The following BIVM variants were observed in gnomAD, a reference collection of about 807,000 sequenced individuals.
BIVM encodes the protein basic, immunoglobulin-like variable motif containing, also known as basic immunoglobulin-like variable motif-containing protein.
Under a neutral mutation model 61.4 loss-of-function variants are expected in BIVM, and 31 were observed. The ratio of observed to expected loss-of-function variants is 0.51; its 90% CI spans 0.38 to 0.68. The LOEUF (loss-of-function observed/expected upper bound fraction) is 0.68, where lower values mean the gene tolerates loss of function less well. Ranked by LOEUF, BIVM falls within the 30% of genes least tolerant of loss-of-function variation. The pLI is 0.00. For synonymous variants in BIVM, 189 were observed against 210.7 expected (o/e 0.90, Z 0.89); for missense variants, 526 against 596.0 (o/e 0.88, Z 1.22).
chr13:102,816,493 T>A lies in BIVM; in HGVS notation c.544T>A (p.Cys182Ser). Residue 182 changes from cysteine to serine, a missense_variant, in exon 4 of 11, where the codon TGT becomes AGT. Transcript: ENST00000257336. ...SDKKGRYQKE[C>S]PQHSPLEDIK... ...TAAAAAGGGAAGATATCAGAAGGAA[T>A]GTCCTCAGCATTCTCCTCTTGAAGA... is the stretch of plus-strand genomic sequence containing the variant. 6.3e-7 allele frequency: 1 copy of A among 1,595,314 alleles called. No individual in the cohort carries two copies. The highest frequency in any genetic ancestry group is 8.5e-7 in the Non-Finnish European group (1 of 1,173,460).
At chr13:102,828,480 T>C (rs573854810) in intron 7 of BIVM, among the ~76,000 whole-genome samples, 4 of 152,352 alleles carry the variant, frequency 2.6e-5, no homozygotes, top group African/African-American at 7.2e-5. Flanking sequence ...ACCATGATTG[T>C]TGTTACCAGC....
chr13:102,824,950 A>ATTAATTT lies in BIVM; in HGVS notation c.901+2793_901+2794insAATTTTT, dbSNP rs58236818. Among the ~76,000 whole-genome samples the ATTAATTT allele has an allele frequency of 4.0e-3, 590 of 147,750 alleles. 3 individuals are homozygous for ATTAATTT. The highest frequency in any genetic ancestry group is 0.014 in the African/African-American group (569 of 39,824). On this transcript the variant is annotated intron_variant, in intron 7 of 10. Coordinates refer to ENST00000257336, the MANE Select transcript of BIVM (RefSeq NM_017693.4). ...AATTTTTAATTTAATTAATTAATTAATTTTTTTTTTGAGACGGAGTCTCGC... is the reference window on the plus strand; with the variant it reads ...AATTTTTAATTTAATTAATTAATTAATTAATTTTTTTTTTTTTGAGACGGAGTCTCGC...
intron 1 of BIVM, among the ~76,000 whole-genome samples, chr13:102,800,226 C>T (rs1878655665): frequency 6.6e-6 from 1 of 152,208 alleles, no homozygotes; most frequent in African/African-American, 2.4e-5. Flanking sequence ...GCTCTTAGCC[C>T]GGATGCAGCA....
intron 8 of BIVM, among the ~76,000 whole-genome samples, chr13:102,833,513 GGGTTTC>G (rs1881266036): frequency 2.6e-5 from 4 of 151,778 alleles, no homozygotes; most frequent in African/African-American, 9.7e-5. Flanking sequence ...TGGGGTTTCA[GGGTTTC>G]ACCATGTTAC....
intron 1 of BIVM, among the ~76,000 whole-genome samples, chr13:102,803,527 C>T (rs778991004): frequency 1.3e-5 from 2 of 152,068 alleles, no homozygotes; most frequent in Non-Finnish European, 2.9e-5. Context: ...AATCCCTACA[C>T]TGTCACACAG....
intron 6 of BIVM, 63 bp from the exon 7 acceptor site, chr13:102,822,002 T>C: frequency 6.3e-7 from 1 of 1,590,860 alleles, no homozygotes; most frequent in Non-Finnish European, 8.6e-7. Context: ...TTCTTTAGAA[T>C]TGGAATAATG....
intron 3 of BIVM, among the ~76,000 whole-genome samples, chr13:102,814,221 G>T (rs1879703836): frequency 6.6e-6 from 1 of 152,122 alleles, no homozygotes; most frequent in African/African-American, 2.4e-5. Context: ...CTGATGTGAT[G>T]GAAGGCAGAA....
chr13:102,808,555 G>C (rs1357674482), intron 3 of BIVM, among the ~76,000 whole-genome samples: 1 of 152,068 alleles, frequency 6.6e-6, no homozygotes, highest in African/African-American at 2.4e-5. Context: ...AGGTAAATTT[G>C]TAATTCTTAA....
chr13:102,822,293 G>A, intron 7 of BIVM, 134 bp downstream of exon 7: 1 of 770,614 alleles, frequency 1.3e-6, no homozygotes, highest in South Asian at 2.1e-5. Flanking sequence ...CCTCAGCACA[G>A]TCTGTTACTT....
chr13:102,831,507 T>G, intron 7 of BIVM, 58 bp from the exon 8 acceptor site: 2 of 1,605,794 alleles, frequency 1.2e-6, no homozygotes, highest in South Asian at 2.2e-5. Context: ...GTCCTTTGTG[T>G]AAAGCATGGA....
chr13:102,804,275 G>A (rs1456208616), intron 1 of BIVM, among the ~76,000 whole-genome samples: 2 of 152,042 alleles, frequency 1.3e-5, no homozygotes, highest in Non-Finnish European at 1.5e-5. Flanking sequence ...CTCCCGAGTA[G>A]CTGGGATTAC....
chr13:102,816,911 C>G (rs904950757), intron 4 of BIVM: 1 of 153,210 alleles, frequency 6.5e-6, no homozygotes, highest in African/African-American at 2.4e-5. Context: ...CTCAAGTTAC[C>G]TAAGTATGCA....
chr13:102,831,417 C>G (rs16960599), intron 7 of BIVM, 148 bp from the exon 8 acceptor site: 370,080 of 1,209,538 alleles, frequency 0.31, 58,123 homozygotes, highest in Admixed American at 0.4. Context: ...TTTTTTGTAC[C>G]TATCAATAGC....
intron 7 of BIVM, among the ~76,000 whole-genome samples, chr13:102,828,470 A>G (rs16960594): frequency 0.29 from 44,658 of 152,134 alleles, 6,774 homozygotes; most frequent in Admixed American, 0.37. Flanking sequence ...ACATCGCTTC[A>G]CCATGATTGT....
Position 102,839,563 on chromosome 13 carries a change from T to G in BIVM, c.1219-9T>G. 6.2e-7 allele frequency: 1 copy of G among 1,610,464 alleles called. No homozygotes were observed. Among genetic ancestry groups the G allele is most frequent in the South Asian group, 1.1e-5 (1 of 90,628 alleles). On this transcript the variant is annotated splice_polypyrimidine_tract_variant and intron_variant, in intron 10 of 10. Transcript: ENST00000257336. ...TTATTTTCTTCAGCCAACATTTTTT[T>G]CTTCTCAGGTTGGGGGAAATTTGCA...
intron 3 of BIVM, among the ~76,000 whole-genome samples, chr13:102,808,992 CTTTTGTTAAT>C (rs1333495886): frequency 6.7e-6 from 1 of 149,300 alleles, no homozygotes; most frequent in Non-Finnish European, 1.5e-5. Flanking sequence ...AAATAACTAG[CTTTTGTTAAT>C]TTTCTCAATT....
chr13:102,799,995 G>A (rs1048767931), intron 1 of BIVM, among the ~76,000 whole-genome samples: 1 of 152,172 alleles, frequency 6.6e-6, no homozygotes, highest in African/African-American at 2.4e-5. Context: ...GGAGTCACGG[G>A]CTCACCGCCC....
At chr13:102,808,807 T>C (rs1879282682) in intron 3 of BIVM, among the ~76,000 whole-genome samples, 1 of 152,182 alleles carries the variant, frequency 6.6e-6, no homozygotes, top group South Asian at 2.1e-4. Context: ...AATTTGTCCA[T>C]GTCATTTAAG....
intron 3 of BIVM, among the ~76,000 whole-genome samples, chr13:102,815,044 A>AAAACAAAC (rs371478448): frequency 6.6e-6 from 1 of 151,968 alleles, no homozygotes; most frequent in African/African-American, 2.4e-5. Flanking sequence ...ACCTTGTCTC[A>AAAACAAAC]AAACAAACAA....
Sources: gnomAD v4.1 joint callset for allele counts (sites outside exome capture counted in the v4.1 genomes callset) on GRCh38, gnomAD v4.1.1 for gene constraint, MANE v1.5 for transcripts, NCBI Gene and HGNC (gene_info 2026-07-23, HGNC 2026-07-21) for gene names.